Variants in DENND6B observed in about 807,000 individuals in gnomAD.
DENND6B encodes DENN domain containing 6B.
Under a neutral mutation model 85.1 loss-of-function variants are expected in DENND6B, and 73 were observed. That is an observed-to-expected ratio of 0.86 (90% CI 0.71 to 1.04). The LOEUF (loss-of-function observed/expected upper bound fraction) is 1.04. Ranked by LOEUF, DENND6B falls within the 50% of genes least tolerant of loss-of-function variation. DENND6B has a pLI of 0.00. For missense variants in DENND6B, 715 were observed against 785.8 expected, an observed-to-expected ratio of 0.91 and a Z score of 1.08; for synonymous variants, 357 against 329.3, an observed-to-expected ratio of 1.08 and a Z score of -0.91.
At chr22:50,315,618 A>C (rs921373827) in intron 9 of DENND6B, 96 bp downstream of exon 9, 1 of 1,361,244 alleles carries the variant, frequency 7.3e-7, no homozygotes, top group South Asian at 1.4e-5. Flanking sequence ...ACACACGCAC[A>C]CACATACTCA....
chr22:50,313,037 G>A lies in DENND6B; in HGVS notation c.1419C>T (p.Leu473=). 1.9e-6 allele frequency: 3 copies of A among 1,563,340 alleles called. No homozygotes were observed. Among genetic ancestry groups the A allele is most frequent in the Non-Finnish European group, 2.6e-6 (3 of 1,154,648 alleles). ...GCCAGTCGCCCTTGAGGATGCAGGT[G>A]AGCTGGGGCCCAGCATGCTCCAGGC... The part of the protein sequence containing the change: ...LRSLEHAGPQ[L]TCILKGDWLG... The change falls in exon 17 of 20, where the codon CTC becomes CTT. Residue 473 remains leucine, a synonymous_variant. Transcript: ENST00000413817.
At chr22:50,314,522 A>AGAG (rs1182050349) in intron 11 of DENND6B, 28 bp from the exon 12 acceptor site, 2 of 1,554,866 alleles carry the variant, frequency 1.3e-6, no homozygotes, top group African/African-American at 2.7e-5. Flanking sequence ...GAGAAGAGGC[A>AGAG]GAGACAGAGG....
At position 50,312,376 on chromosome 22, in the gene DENND6B, G is replaced by A. The variant is rs199861645; in HGVS notation, c.1602C>T (p.Val534=). 2.6e-5 allele frequency: 42 copies of A among 1,611,872 alleles called. No individual in the cohort carries two copies. Among genetic ancestry groups the A allele is most frequent in the Admixed American group, 6.7e-5 (4 of 59,874 alleles). Residue 534 remains valine, a synonymous_variant, in exon 19 of 20, where the codon GTC becomes GTT. Coordinates refer to ENST00000413817, the MANE Select transcript of DENND6B (RefSeq NM_001001794.4). ...TWMKDKSEVE[V]VDLVLKLREK... Reference sequence around the variant, plus strand: ...CACGAAGTTTCAGGACCAGGTCCACGACCTCCACCTCGGACTTGTCTTTCA... The same window carrying A: ...CACGAAGTTTCAGGACCAGGTCCACAACCTCCACCTCGGACTTGTCTTTCA...
rs1799915129 is a variant in DENND6B, at chr22:50,309,498, G to C, written c.*2641C>G. The C allele has an allele frequency of 6.6e-6, 1 of 152,612 alleles. No homozygotes were observed. The highest frequency in any genetic ancestry group is 2.4e-5 in the African/African-American group (1 of 41,446). 9.5% of individuals were successfully genotyped at this position (152,612 alleles called of 1,614,324 possible). ...AAGAGGCATCCGGACAGATGGAGCT[G>C]GCAGGTCTCCACGCCCAGCCCCCAC... On this transcript the variant is annotated 3_prime_UTR_variant, in exon 20 of 20. Coordinates refer to ENST00000413817, the MANE Select transcript of DENND6B (RefSeq NM_001001794.4).
At chr22:50,317,246 C>T in intron 5 of DENND6B, 47 bp downstream of exon 5, 1 of 1,605,738 alleles carries the variant, frequency 6.2e-7, no homozygotes. Context: ...TGCCTGCCAG[C>T]TCCTGCCGCT....
In DENND6B at chr22:50,317,962, G is replaced by T; in HGVS notation, c.318C>A (p.Ser106Arg). The change falls in exon 4 of 20, where the codon AGC (serine) becomes AGA (arginine). Residue 106 changes from serine (S) to arginine (R), a missense_variant. By Grantham distance (110) the Ser-to-Arg change is moderately radical (BLOSUM62 -1). Transcript: ENST00000413817. ...AGTGCCTGTCGTCGGCATGCCAGGG[G>T]CTCCTCTGCCCTCCACACTGGCGCA... ...FRMRQCGGQR[S>R]PWHADDRHYN... 2 of 1,612,190 alleles carry T rather than the reference G, an allele frequency of 1.2e-6. No individual in the cohort carries two copies. The highest frequency in any genetic ancestry group is 1.7e-6 in the Non-Finnish European group (2 of 1,179,660).
At chr22:50,313,151 A>T (rs1489557839) in intron 16 of DENND6B, 43 bp from the exon 17 acceptor site, 163 of 1,514,508 alleles carry the variant, frequency 1.1e-4, no homozygotes, top group Non-Finnish European at 1.3e-4. Flanking sequence ...ACTCGGCCTC[A>T]CAGGCCTGCA....
In DENND6B at chr22:50,317,837, A is replaced by C. The variant is rs1478664550; in HGVS notation, c.372+71T>G. ...CAGGCACTCTGAAGGGGCTTCTCCT[A>C]CCAGCCTGACCCTGGCAGGACCCTT... On this transcript the variant is annotated intron_variant, in intron 4 of 19. Transcript: ENST00000413817. The C allele has an allele frequency of 4.8e-6, 7 of 1,456,468 alleles. No homozygotes were observed. In the African/African-American group the frequency reaches 8.4e-5, roughly 17 times the overall value. 90.2% of individuals were successfully genotyped at this position (1,456,468 alleles called of 1,614,324 possible). A position where few individuals can be genotyped will look rare whatever the true frequency, so the allele number is the denominator to read the frequency against.
rs188332418 is a variant in DENND6B, at chr22:50,320,634, G to C, written c.178-1631C>G. Among the ~76,000 whole-genome samples the C allele has an allele frequency of 6.2e-3, 940 of 152,304 alleles. 13 individuals are homozygous for C. The highest frequency in any genetic ancestry group is 0.022 in the African/African-American group (896 of 41,562). On this transcript the variant is annotated intron_variant, in intron 1 of 19. Coordinates refer to ENST00000413817, the MANE Select transcript of DENND6B (RefSeq NM_001001794.4). ...ACCAAGGAGTGGTCAGGAGGAGGAC[G>C]AGGGTGGAAGCTGGGAGTAGGCTGG...
Position 50,316,045 on chromosome 22 carries a change from G to A in DENND6B, c.682C>T (p.Pro228Ser). The A allele has an allele frequency of 1.9e-6, 3 of 1,612,728 alleles. No homozygotes were observed. The highest frequency in any genetic ancestry group is 2.5e-6 in the Non-Finnish European group (3 of 1,179,862). Reference sequence around the variant, plus strand: ...CCCACCTCTTGGTCAAACTGCTTCGGAGGACTGGACTCGGACTTGTCCACC... The same window carrying A: ...CCCACCTCTTGGTCAAACTGCTTCGAAGGACTGGACTCGGACTTGTCCACC... ...SRVDKSESSP[P>S]KQFDQENLLP... The change falls in exon 8 of 20, where the codon CCG (proline) becomes TCG (serine). Residue 228 changes from proline (P) to serine (S), a missense_variant. Physicochemically the swap from Pro to Ser is moderately conservative, Grantham distance 74. Transcript: ENST00000413817.
rs1009770542 is a variant in DENND6B at position 50,311,081 on chromosome 22, C to T, written c.*1058G>A. On this transcript the variant is annotated 3_prime_UTR_variant, in exon 20 of 20. Transcript: ENST00000413817. ...CTGTCGGGCATCTGCATGGCTGGCT[C>T]GCTCAGATGAGGAGTCTGAGGGTCT... The T allele has an allele frequency of 1.3e-5, 2 of 152,426 alleles. No individual in the cohort carries two copies. The highest frequency in any genetic ancestry group is 2.1e-4 in the South Asian group (1 of 4,836). The allele number at this position is 152,426 out of a possible 1,614,324, so 9.4% of individuals were successfully genotyped here.
chr22:50,320,637 G>A (rs1174579359), intron 1 of DENND6B, among the ~76,000 whole-genome samples: 1 of 152,194 alleles, frequency 6.6e-6, no homozygotes, highest in East Asian at 1.9e-4. Flanking sequence ...GGAGGACGAG[G>A]GTGGAAGCTG....
chr22:50,311,197 G>C lies in DENND6B; in HGVS notation c.*942C>G, dbSNP rs1252975241. On this transcript the variant is annotated 3_prime_UTR_variant, in exon 20 of 20. Transcript: ENST00000413817. ...AGCCCTGACAGTACCGTCACTGTGT[G>C]CTGTGCAGGGTCAACACCGTACCTC... is the stretch of plus-strand genomic sequence containing the variant. 1 of 152,298 alleles carries C rather than the reference G, an allele frequency of 6.6e-6. No individual in the cohort carries two copies. 9.4% of individuals were successfully genotyped at this position (152,298 alleles called of 1,614,324 possible).
In DENND6B at chr22:50,312,997, AC is replaced by A. The variant is rs1248610244; in HGVS notation, c.1457+1del. ...AGCTGCCTGCACCTGCAGTCCACGC[AC>A]CTGTAGAGACCCAGCCAGTCGCCCT... On this transcript the variant is annotated splice_donor_variant, in intron 17 of 19. Transcript: ENST00000413817. LOFTEE classifies it high-confidence loss of function. 1.3e-6 allele frequency: 2 copies of A among 1,554,350 alleles called. No individual in the cohort carries two copies. The highest frequency in any genetic ancestry group is 1.7e-6 in the Non-Finnish European group (2 of 1,149,624).
intron 1 of DENND6B, among the ~76,000 whole-genome samples, chr22:50,326,232 A>T (rs1484899048): frequency 6.6e-6 from 1 of 152,232 alleles, no homozygotes; most frequent in East Asian, 1.9e-4. Flanking sequence ...GAGCAAGAAC[A>T]CCACAAGACG....
intron 3 of DENND6B, 41 bp from the exon 4 acceptor site, chr22:50,318,061 G>A (rs771021941): frequency 4.4e-6 from 7 of 1,599,912 alleles, no homozygotes; most frequent in Non-Finnish European, 4.3e-6. Context: ...AAGGCCGGGA[G>A]CCTCTTCTGC....
intron 3 of DENND6B, among the ~76,000 whole-genome samples, 151 bp from the exon 4 acceptor site, chr22:50,318,171 C>T (rs749568115): frequency 6.6e-6 from 1 of 152,164 alleles, no homozygotes; most frequent in African/African-American, 2.4e-5. Context: ...AGTGAAACCC[C>T]GTTTCTACTA....
intron 12 of DENND6B, 29 bp downstream of exon 12, chr22:50,314,371 C>A: frequency 6.4e-7 from 1 of 1,565,336 alleles, no homozygotes; most frequent in East Asian, 2.4e-5. Flanking sequence ...TTCTGAGCAG[C>A]ACCCCCTGCA....
At position 50,313,118 on chromosome 22, in the gene DENND6B, G is replaced by A; in HGVS notation, c.1348-10C>T. ...GGATCTGGGGGGGAGTCTGAGAGGG[G>A]ATGGGTGAGCCAGCACGTGGGAACT... On this transcript the variant is annotated splice_polypyrimidine_tract_variant and intron_variant, in intron 16 of 19. Coordinates refer to ENST00000413817, the MANE Select transcript of DENND6B (RefSeq NM_001001794.4). 1.3e-6 allele frequency: 2 copies of A among 1,551,810 alleles called. No individual in the cohort carries two copies. Among genetic ancestry groups the A allele is most frequent in the Non-Finnish European group, 8.7e-7 (1 of 1,147,580 alleles).
Sources: gnomAD v4.1 joint callset for allele counts (sites outside exome capture counted in the v4.1 genomes callset) on GRCh38, gnomAD v4.1.1 for gene constraint, MANE v1.5 for transcripts, NCBI Gene and HGNC (gene_info 2026-07-23, HGNC 2026-07-21) for gene names.